The following SMCHD1 variants were observed in gnomAD, a reference collection of about 807,000 sequenced individuals.
The protein encoded by SMCHD1 is structural maintenance of chromosomes flexible hinge domain containing 1.
SMCHD1 carries 78 observed loss-of-function variants against 254.7 expected under a neutral mutation model. The observed-to-expected ratio is 0.31, with a 90% CI of 0.26 to 0.37. The LOEUF (loss-of-function observed/expected upper bound fraction) is 0.37. Ranked by LOEUF, SMCHD1 falls within the 10% of genes least tolerant of loss-of-function variation. The pLI, the probability that SMCHD1 is intolerant of heterozygous loss-of-function variation, is 1.00. For synonymous variants in SMCHD1, 766 were observed against 794.9 expected (o/e 0.96, Z 0.61); for missense variants, 1,840 against 2,408.1 (o/e 0.76, Z 4.94).
At chr18:2,735,647 A>G (rs944361397) in intron 25 of SMCHD1, among the ~76,000 whole-genome samples, 3 of 152,214 alleles carry the variant, frequency 2.0e-5, no homozygotes, top group Non-Finnish European at 4.4e-5. Context: ...CTGAAAGCCA[A>G]ATCAGTAACA....
At position 2,770,017 on chromosome 18, in the gene SMCHD1, A is replaced by T; in HGVS notation, c.4875A>T (p.Ala1625=). 6.3e-7 allele frequency: 1 copy of T among 1,598,004 alleles called. No individual in the cohort carries two copies. Among genetic ancestry groups the T allele is most frequent in the Non-Finnish European group, 8.5e-7 (1 of 1,175,670 alleles). The change falls in exon 39 of 48, where the codon GCA becomes GCT. Residue 1625 remains alanine (A), a synonymous_variant. Coordinates refer to ENST00000320876, the MANE Select transcript of SMCHD1 (RefSeq NM_015295.3). ...NDVKKQQQMA[A]LTKEKDQLSQ... is the part of the protein sequence containing the mutation. ...TTAAGAAGCAGCAACAAATGGCAGC[A>T]CTTACAAAAGAAAAGGACCAATTAT...
chr18:2,752,995 A>G (rs2075604676), intron 34 of SMCHD1: 2 of 172,460 alleles, frequency 1.2e-5, no homozygotes, highest in African/African-American at 4.8e-5. Context: ...TGCTCATTAT[A>G]TTTGTTCAGT....
chr18:2,658,502 A>G (rs754221136), intron 1 of SMCHD1, among the ~76,000 whole-genome samples: 14 of 152,226 alleles, frequency 9.2e-5, no homozygotes, highest in Non-Finnish European at 1.9e-4. Flanking sequence ...AAACCAAGGA[A>G]AATATTTCTT....
chr18:2,697,059 C>A lies in SMCHD1; in HGVS notation c.1068C>A (p.Gly356=). 6.7e-7 allele frequency: 1 copy of A among 1,498,390 alleles called. No individual in the cohort carries two copies. The highest frequency in any genetic ancestry group is 9.0e-7 in the Non-Finnish European group (1 of 1,113,406). 92.8% of individuals were successfully genotyped at this position (1,498,390 alleles called of 1,614,324 possible). A position where few individuals can be genotyped will look rare whatever the true frequency, so the allele number is the denominator to read the frequency against. The change falls in exon 9 of 48, where the codon GGC becomes GGA. Residue 356 remains glycine (G), a synonymous_variant. Transcript: ENST00000320876. The part of the protein sequence containing the change: ...LAHIYHYYIH[G]PKGNEIRTSK... ...ATATTTATCACTACTATATTCATGGCCCAAAAGGAAATGAAATACGAACAT... is the reference window on the plus strand; with the variant it reads ...ATATTTATCACTACTATATTCATGGACCAAAAGGAAATGAAATACGAACAT...
rs2075290124 is a variant in SMCHD1 at position 2,738,406 on chromosome 18, A to G, written c.3286A>G (p.Thr1096Ala). The change falls in exon 26 of 48, where the codon ACT becomes GCT. Residue 1096 changes from threonine to alanine, a missense_variant. Coordinates refer to ENST00000320876, the MANE Select transcript of SMCHD1 (RefSeq NM_015295.3). ...ALAEKIKVNW[T>A]PEINKEHLLQ... ...TCTCTTTTTCTCCTAGGTTAATTGG[A>G]CTCCTGAGATTAACAAAGAACACTT... is the stretch of plus-strand genomic sequence containing the variant. 1 of 1,595,968 alleles carries G rather than the reference A, an allele frequency of 6.3e-7. No individual in the cohort carries two copies. Among genetic ancestry groups the G allele is most frequent in the African/African-American group, 1.3e-5 (1 of 74,176 alleles).
chr18:2,800,208 A>G (rs2076335769), intron 47 of SMCHD1, among the ~76,000 whole-genome samples: 1 of 151,848 alleles, frequency 6.6e-6, no homozygotes, highest in Non-Finnish European at 1.5e-5. Context: ...CTGTCTCCCA[A>G]ACAGGGAGAG....
intron 37 of SMCHD1, among the ~76,000 whole-genome samples, chr18:2,765,791 T>C (rs1037791996): frequency 1.3e-5 from 2 of 152,216 alleles, no homozygotes; most frequent in East Asian, 3.8e-4. Flanking sequence ...TGTTCTTCCT[T>C]TTTTATTATA....
intron 46 of SMCHD1, 148 bp from the exon 47 acceptor site, chr18:2,796,259 T>G: frequency 1.2e-6 from 1 of 869,246 alleles, no homozygotes; most frequent in Non-Finnish European, 1.7e-6. Flanking sequence ...TAAATGGTTA[T>G]AAACTATTCT....
intron 12 of SMCHD1, among the ~76,000 whole-genome samples, chr18:2,702,851 G>A (rs1010987317): frequency 2.0e-5 from 3 of 152,172 alleles, no homozygotes; most frequent in African/African-American, 7.2e-5. Flanking sequence ...TATAAGGTAC[G>A]TAAGAAGGAA....
intron 29 of SMCHD1, among the ~76,000 whole-genome samples, chr18:2,746,647 C>T (rs1240477714): frequency 6.6e-6 from 1 of 152,142 alleles, no homozygotes. Flanking sequence ...AGCAGCCTTT[C>T]CCCATAATCT....
chr18:2,678,121 T>A (rs7231918), intron 5 of SMCHD1, among the ~76,000 whole-genome samples: 3 of 152,024 alleles, frequency 2.0e-5, no homozygotes, highest in African/African-American at 4.8e-5. Flanking sequence ...GCCCTGTTAC[T>A]AGAGTTTTAT....
chr18:2,707,978 T>A, intron 17 of SMCHD1, 58 bp downstream of exon 17: 1 of 1,040,314 alleles, frequency 9.6e-7, no homozygotes, highest in Non-Finnish European at 1.4e-6. Context: ...AATATCAAAT[T>A]AAATATCTTC....
chr18:2,732,783 A>G (rs1226280227), intron 25 of SMCHD1, among the ~76,000 whole-genome samples: 1 of 152,216 alleles, frequency 6.6e-6, no homozygotes, highest in African/African-American at 2.4e-5. Flanking sequence ...TTCTGCAATC[A>G]TAATCAACAT....
At chr18:2,748,287 A>G (rs2075496207) in intron 30 of SMCHD1, among the ~76,000 whole-genome samples, 1 of 149,594 alleles carries the variant, frequency 6.7e-6, no homozygotes, top group African/African-American at 2.5e-5. Flanking sequence ...GGCTGGTGCA[A>G]AGTTGGAGGC....
At chr18:2,664,504 C>G (rs1339376066) in intron 1 of SMCHD1, among the ~76,000 whole-genome samples, 1 of 152,050 alleles carries the variant, frequency 6.6e-6, no homozygotes, top group Non-Finnish European at 1.5e-5. Flanking sequence ...TGTTTGTGCT[C>G]TTTTTTGGTG....
At chr18:2,731,372 A>G (rs777752263) in intron 24 of SMCHD1, among the ~76,000 whole-genome samples, 7 of 152,234 alleles carry the variant, frequency 4.6e-5, no homozygotes, top group Admixed American at 6.5e-5. Flanking sequence ...ATCAATTTAT[A>G]TAGCATAATC....
At chr18:2,660,471 G>GT (rs1324906009) in intron 1 of SMCHD1, among the ~76,000 whole-genome samples, 1 of 135,338 alleles carries the variant, frequency 7.4e-6, no homozygotes, top group Non-Finnish European at 1.5e-5. Flanking sequence ...AAAAATCCAT[G>GT]GTTTTTTTTT....
chr18:2,756,659 G>C (rs1000397700), intron 34 of SMCHD1, among the ~76,000 whole-genome samples: 2 of 151,990 alleles, frequency 1.3e-5, no homozygotes, highest in African/African-American at 4.8e-5. Context: ...GCAGTGGCAT[G>C]ATCTCAGCTC....
At chr18:2,786,119 T>C (rs1457479964) in intron 45 of SMCHD1, among the ~76,000 whole-genome samples, 1 of 152,030 alleles carries the variant, frequency 6.6e-6, no homozygotes, top group Non-Finnish European at 1.5e-5. Flanking sequence ...GATCAAGCAA[T>C]GTTTGTGCCT....
Sources: allele counts gnomAD v4.1 joint callset (sites outside exome capture counted in the v4.1 genomes callset), GRCh38; gene constraint gnomAD v4.1.1; transcripts MANE v1.5; gene names NCBI Gene and HGNC (gene_info 2026-07-23, HGNC 2026-07-21).